The following SCNN1G variants were observed in gnomAD, a reference collection of about 807,000 sequenced individuals.
SCNN1G encodes epithelial sodium channel subunit gamma.
A neutral mutation model predicts 64.6 loss-of-function variants in SCNN1G; 27 were observed. The ratio of observed to expected loss-of-function variants is 0.42; its 90% confidence interval spans 0.31 to 0.58. The LOEUF (loss-of-function observed/expected upper bound fraction) is 0.58. Among genes scored for constraint, SCNN1G ranks in the 20% least tolerant of loss-of-function variants. The probability of loss-of-function intolerance (pLI) is 0.18; values close to 1 mark genes in which losing one functional copy is unlikely to be tolerated. For synonymous variants in SCNN1G, 330 were observed against 314.2 expected (o/e 1.05, Z -0.53); for missense variants, 743 against 823.4 (o/e 0.90, Z 1.19).
rs548800521 is a variant in SCNN1G, at chr16:23,197,604, A to G, written c.1077+177A>G. The stretch of plus-strand genomic sequence containing the variant: ...GAGTTACATTAAAGGTTGTGTTTGT[A>G]TCTTCTGGCCGGCTGCAGTGGCTCA... On this transcript the variant is annotated intron_variant, in intron 6 of 12. Coordinates refer to ENST00000300061, the MANE Select transcript of SCNN1G (RefSeq NM_001039.4). Among the ~76,000 whole-genome samples the G allele has an allele frequency of 2.6e-5, 4 of 152,270 alleles. No homozygotes were observed. In the East Asian group the frequency reaches 7.7e-4, roughly 29 times the overall value.
intron 6 of SCNN1G, among the ~76,000 whole-genome samples, chr16:23,199,884 G>T (rs1959860503): frequency 6.6e-6 from 1 of 151,622 alleles, no homozygotes; most frequent in Non-Finnish European, 1.5e-5. Context: ...TGTTAGCCAG[G>T]ATGGTCTCGA....
chr16:23,196,916 TC>T (rs1959804611), intron 5 of SCNN1G, among the ~76,000 whole-genome samples: 1 of 152,208 alleles, frequency 6.6e-6, no homozygotes, highest in South Asian at 2.1e-4. Flanking sequence ...CAATGCATCT[TC>T]TTTTGAATGT....
Position 23,186,439 on chromosome 16 carries a change from G to T in SCNN1G, c.168G>T (p.Trp56Cys), listed in dbSNP as rs1959607946. The T allele has an allele frequency of 6.2e-7, 1 of 1,614,216 alleles. No individual in the cohort carries two copies. The highest frequency in any genetic ancestry group is 1.1e-5 in the South Asian group (1 of 91,088). The change falls in exon 2 of 13, where the codon TGG (tryptophan) becomes TGT (cysteine). Residue 56 changes from tryptophan to cysteine, a missense_variant. Transcript: ENST00000300061. ...VSRGRLRRLL[W>C]IGFTLTAVAL... is the part of the protein sequence containing the mutation. The stretch of plus-strand genomic sequence containing the variant: ...GCGGCCGTCTGCGCCGCCTCCTCTG[G>T]ATCGGGTTCACACTGACTGCCGTGG...
At chr16:23,195,291 C>T (rs74012837) in intron 5 of SCNN1G, among the ~76,000 whole-genome samples, 28,290 of 152,106 alleles carry the variant, frequency 0.19, 2,812 homozygotes, top group Non-Finnish European at 0.22. Flanking sequence ...TGCTACCAGT[C>T]TACCACCATT....
Position 23,189,603 on chromosome 16 carries a change from G to A in SCNN1G, c.550G>A (p.Gly184Ser), listed in dbSNP as rs577356450. The A allele has an allele frequency of 1.8e-5, 29 of 1,614,200 alleles. No individual in the cohort carries two copies. The highest frequency in any genetic ancestry group is 2.7e-5 in the African/African-American group (2 of 75,054). ...FFTGRKRKVG[G>S]SIIHKASNVM... ...CACAGGGAGGAAGCGGAAAGTCGGCGGTAGCATCATTCACAAGGCTTCAAA... is the reference window on the plus strand; with the variant it reads ...CACAGGGAGGAAGCGGAAAGTCGGCAGTAGCATCATTCACAAGGCTTCAAA... Residue 184 changes from glycine to serine, a missense_variant, in exon 3 of 13, where the codon GGT becomes AGT. Physicochemically the swap from Gly to Ser is moderately conservative, Grantham distance 56. Transcript: ENST00000300061.
chr16:23,192,558 T>A lies in SCNN1G; in HGVS notation c.809+16T>A. ...GTGATGCCAGGTCAGGAGAGAATGC[T>A]GCTCTCTCAGCCTCTAAGGACTGGC... On this transcript the variant is annotated intron_variant, in intron 4 of 12. Transcript: ENST00000300061. 1 of 1,604,214 alleles carries A rather than the reference T, an allele frequency of 6.2e-7. No homozygotes were observed. Among genetic ancestry groups the A allele is most frequent in the Non-Finnish European group, 8.5e-7 (1 of 1,174,110 alleles).
intron 3 of SCNN1G, among the ~76,000 whole-genome samples, chr16:23,190,830 G>GC (rs1196971618): frequency 8.7e-6 from 1 of 114,596 alleles, no homozygotes; most frequent in Non-Finnish European, 1.8e-5. Context: ...CATTTGAGGG[G>GC]ATTTTTTTTT....
At chr16:23,207,464 CTGTGCCCAGCCCAGCCCTGG>C (rs1960008735) in intron 6 of SCNN1G, among the ~76,000 whole-genome samples, 1 of 152,260 alleles carries the variant, frequency 6.6e-6, no homozygotes, top group African/African-American at 2.4e-5. Flanking sequence ...CTTTGCACCT[CTGTGCCCAGCCCAGCCCTGG>C]TGTGCACTAG....
chr16:23,210,132 C>A (rs1365775508), intron 7 of SCNN1G, among the ~76,000 whole-genome samples: 2 of 152,162 alleles, frequency 1.3e-5, no homozygotes, highest in Non-Finnish European at 2.9e-5. Context: ...AGGAAAGAAG[C>A]GGTCTGGGAG....
intron 6 of SCNN1G, among the ~76,000 whole-genome samples, chr16:23,199,466 T>C (rs773410676): frequency 3.9e-5 from 6 of 152,078 alleles, no homozygotes; most frequent in Non-Finnish European, 8.8e-5. Flanking sequence ...ACAGGACATG[T>C]GTTTGCCAGA....
intron 3 of SCNN1G, among the ~76,000 whole-genome samples, chr16:23,190,076 A>T (rs1396766859): frequency 6.6e-6 from 1 of 151,332 alleles, no homozygotes; most frequent in African/African-American, 2.4e-5. Context: ...TTAAAAAAAA[A>T]AGGGGAGAGT....
chr16:23,198,097 G>C (rs1049945434), intron 6 of SCNN1G, among the ~76,000 whole-genome samples: 1 of 152,222 alleles, frequency 6.6e-6, no homozygotes, highest in Non-Finnish European at 1.5e-5. Context: ...TTAAAGCCTA[G>C]TGGAAAGTCA....
rs376681300 is a variant in SCNN1G at position 23,206,579 on chromosome 16, C to T, written c.1078-3171C>T. Reference sequence around the variant, plus strand: ...GCCATGAGCCATGATTGCACCATTGCACTCCAGCCTGGGTGACAGATCGAG... The same window carrying T: ...GCCATGAGCCATGATTGCACCATTGTACTCCAGCCTGGGTGACAGATCGAG... On this transcript the variant is annotated intron_variant, in intron 6 of 12. Transcript: ENST00000300061. Among the ~76,000 whole-genome samples the T allele has an allele frequency of 3.3e-5, 5 of 152,266 alleles. No homozygotes were observed. In the South Asian group the frequency reaches 6.2e-4, roughly 19 times the overall value.
chr16:23,205,236 C>T (rs1458225988), intron 6 of SCNN1G, among the ~76,000 whole-genome samples: 4 of 152,106 alleles, frequency 2.6e-5, no homozygotes, highest in South Asian at 2.1e-4. Flanking sequence ...CTGGTGCTCC[C>T]GGTTGTTTAG....
chr16:23,191,517 C>T (rs926159155), intron 3 of SCNN1G, among the ~76,000 whole-genome samples: 2 of 152,160 alleles, frequency 1.3e-5, no homozygotes, highest in African/African-American at 4.8e-5. Flanking sequence ...CCTAGAACTC[C>T]TGGGCTCAAA....
chr16:23,211,017 G>A (rs1487140896), intron 7 of SCNN1G, among the ~76,000 whole-genome samples: 3 of 151,286 alleles, frequency 2.0e-5, no homozygotes, highest in Non-Finnish European at 4.4e-5. Context: ...CAGCCTGGGT[G>A]AGAGAACAAG....
intron 6 of SCNN1G, among the ~76,000 whole-genome samples, chr16:23,201,427 G>A (rs1373932806): frequency 6.6e-6 from 1 of 152,090 alleles, no homozygotes; most frequent in East Asian, 1.9e-4. Context: ...ACAAAGACAT[G>A]AGTGAGTTTT....
At chr16:23,214,608 C>G (rs1960130352) in intron 11 of SCNN1G, 104 bp from the exon 12 acceptor site, 3 of 874,816 alleles carry the variant, frequency 3.4e-6, no homozygotes, top group Non-Finnish European at 5.8e-6. Context: ...GAGCTCAGTG[C>G]CTTGGCCATG....
intron 6 of SCNN1G, among the ~76,000 whole-genome samples, chr16:23,198,599 A>G (rs2141935506): frequency 6.6e-6 from 1 of 151,626 alleles, no homozygotes; most frequent in South Asian, 2.1e-4. Context: ...ATCACCAGGC[A>G]TGGTGGCACA....
Sources: gnomAD v4.1 joint callset for allele counts (sites outside exome capture counted in the v4.1 genomes callset) on GRCh38, gnomAD v4.1.1 for gene constraint, MANE v1.5 for transcripts, NCBI Gene and HGNC (gene_info 2026-07-23, HGNC 2026-07-21) for gene names.